PRMT8: variants seen among roughly 807,000 people sequenced by gnomAD.
PRMT8 encodes protein arginine methyltransferase 8.
Under a neutral mutation model 47.1 loss-of-function variants are expected in PRMT8, and 7 were observed. That is an observed-to-expected ratio of 0.15 (90% CI 0.08 to 0.28). PRMT8 has a LOEUF of 0.28. PRMT8 is among the 10% of genes least tolerant of loss of function. The pLI, the probability that PRMT8 is intolerant of heterozygous loss-of-function variation, is 1.00. For synonymous variants in PRMT8, 188 were observed against 186.5 expected (o/e 1.01, Z -0.07); for missense variants, 237 against 505.4 (o/e 0.47, Z 5.09).
chr12:3,497,960 C>G (rs1420909242), intron 1 of PRMT8, among the ~76,000 whole-genome samples: 1 of 152,182 alleles, frequency 6.6e-6, no homozygotes, highest in Non-Finnish European at 1.5e-5. Flanking sequence ...TGGGTCTGTG[C>G]TCTTTATACC....
intron 1 of PRMT8, among the ~76,000 whole-genome samples, chr12:3,463,879 A>C (rs1429415692): frequency 2.6e-5 from 4 of 152,230 alleles, no homozygotes. Context: ...GTTGATGCAC[A>C]TCCTCACCTA....
rs116892456 is a variant in PRMT8 at position 3,445,027 on chromosome 12, G to A, written c.48+63585G>A. ...TTTGTGCCAGAGAAAGGAATGACTG[G>A]TAGGAAGGGGAGATTTTGAGTGAAG... On this transcript the variant is annotated intron_variant, in intron 1 of 9. Coordinates refer to the PRMT8 transcript ENST00000452611. Among the ~76,000 whole-genome samples the A allele has an allele frequency of 7.9e-3, 1,200 of 152,354 alleles. 53 individuals carry two copies. Among genetic ancestry groups the A allele is most frequent in the Admixed American group, 0.07 (1,066 of 15,304 alleles).
chr12:3,541,511 T>C (rs1243144656), intron 2 of PRMT8, among the ~76,000 whole-genome samples: 10 of 152,246 alleles, frequency 6.6e-5, no homozygotes, highest in African/African-American at 2.2e-4. Context: ...ACAGGCACAG[T>C]TCTAAGCACA....
intron 1 of PRMT8, among the ~76,000 whole-genome samples, chr12:3,472,514 TG>T (rs1255496589): frequency 3.9e-5 from 6 of 152,208 alleles, no homozygotes; most frequent in Non-Finnish European, 8.8e-5. Flanking sequence ...TGTGTGACAT[TG>T]GGACAAGTTA....
At chr12:3,455,611 C>T (rs531097443) in intron 1 of PRMT8, among the ~76,000 whole-genome samples, 1 of 152,318 alleles carries the variant, frequency 6.6e-6, no homozygotes, top group Non-Finnish European at 1.5e-5. Context: ...CGCTAGCCTG[C>T]TCTCTGGGCT....
Position 3,550,286 on chromosome 12 carries a change from G to C in PRMT8, c.417+195G>C. 2 of 593,518 alleles carry C rather than the reference G, an allele frequency of 3.4e-6. No homozygotes were observed. The highest frequency in any genetic ancestry group is 5.8e-6 in the Non-Finnish European group (2 of 344,180). 36.8% of individuals were successfully genotyped at this position (593,518 alleles called of 1,614,324 possible). On this transcript the variant is annotated intron_variant, in intron 3 of 9. Coordinates refer to ENST00000382622, the MANE Select transcript of PRMT8 (RefSeq NM_019854.5). The surrounding 1 kb of genome is among the most constrained non-coding windows in gnomAD (Gnocchi z 5.1). ...GCCTGTCCCCTGTGCATGGCTCCTG[G>C]ATCCTTACAACCACTGACATTTGCG...
chr12:3,471,596 C>T (rs1389190170), intron 1 of PRMT8, among the ~76,000 whole-genome samples: 4 of 151,588 alleles, frequency 2.6e-5, no homozygotes, highest in Non-Finnish European at 5.9e-5. Flanking sequence ...CCCCTGGGCT[C>T]CCTCAACCAG....
At chr12:3,382,702 C>A (rs1286266497) in intron 1 of PRMT8, among the ~76,000 whole-genome samples, 1 of 152,040 alleles carries the variant, frequency 6.6e-6, no homozygotes, top group African/African-American at 2.4e-5. Context: ...TCTCACAGAA[C>A]AAAAGTCTTA....
chr12:3,534,427 A>C, intron 1 of PRMT8, among the ~76,000 whole-genome samples: 6 of 146,392 alleles, frequency 4.1e-5, no homozygotes, highest in Non-Finnish European at 6.1e-5. Flanking sequence ...CAGCACCTTC[A>C]CTCTCCTTCC....
chr12:3,560,015 AC>A (rs2137192068), intron 4 of PRMT8, among the ~76,000 whole-genome samples: 1 of 152,066 alleles, frequency 6.6e-6, no homozygotes, highest in African/African-American at 2.4e-5. Context: ...CCCTTCACAC[AC>A]CTGTTCCAGG....
intron 4 of PRMT8, among the ~76,000 whole-genome samples, chr12:3,562,635 C>T (rs867741160): frequency 6.6e-5 from 10 of 152,298 alleles, no homozygotes; most frequent in Middle Eastern, 6.8e-3. Context: ...CTCATCTCTT[C>T]TCAACTCTGC....
rs74056229 is a variant in PRMT8 at position 3,569,343 on chromosome 12, C to T, written c.625-134C>T. 1.4e-4 allele frequency: 112 copies of T among 783,786 alleles called. No homozygotes were observed. In the African/African-American group the frequency reaches 1.7e-3, roughly 12 times the overall value. The allele number at this position is 783,786 out of a possible 1,614,324, so 48.6% of individuals were successfully genotyped here. ...CTGCTGTCCTAGCCCTCACCCCAGA[C>T]AAGGTGACAGTCCACTGCATGAGAG... On this transcript the variant is annotated intron_variant, in intron 5 of 9. Transcript: ENST00000382622. The surrounding 1 kb of genome is among the most constrained non-coding windows in gnomAD (Gnocchi z 8.2).
In PRMT8 at chr12:3,540,616, C is replaced by CCCCCGA; in HGVS notation, c.90_91insGACCCC (p.Pro30_Ser31insAspPro). On this transcript the variant is annotated inframe_insertion, in exon 2 of 10. Transcript: ENST00000382622. ...TTCTCTTCCCCTCAGGTGAACAGCC[C>CCCCCGA]CCCCTCCCAGCCCCCCCAGCCCGTC... The CCCCCGA allele has an allele frequency of 1.8e-6, 2 of 1,116,940 alleles. No homozygotes were observed. The highest frequency in any genetic ancestry group is 2.7e-6 in the Non-Finnish European group (2 of 737,336). The allele number at this position is 1,116,940 out of a possible 1,614,324, so 69.2% of individuals were successfully genotyped here. A position where few individuals can be genotyped will look rare whatever the true frequency, so the allele number is the denominator to read the frequency against.
At chr12:3,536,629 G>T (rs1255354756) in intron 1 of PRMT8, among the ~76,000 whole-genome samples, 1 of 152,200 alleles carries the variant, frequency 6.6e-6, no homozygotes, top group African/African-American at 2.4e-5. Flanking sequence ...AGCCCTAGAG[G>T]TGAGGTGATC....
intron 1 of PRMT8, among the ~76,000 whole-genome samples, chr12:3,476,131 A>G (rs954099614): frequency 2.0e-5 from 3 of 152,178 alleles, no homozygotes; most frequent in Non-Finnish European, 4.4e-5. Flanking sequence ...CAGAGCAGAG[A>G]GCCAGACACT....
intron 1 of PRMT8, among the ~76,000 whole-genome samples, chr12:3,446,044 G>A (rs1301223792): frequency 6.6e-6 from 1 of 152,032 alleles, no homozygotes; most frequent in Non-Finnish European, 1.5e-5. Flanking sequence ...GACAGCCAAG[G>A]CCCTCCTGGG....
At chr12:3,431,837 A>T (rs548054882) in intron 1 of PRMT8, among the ~76,000 whole-genome samples, 2 of 152,254 alleles carry the variant, frequency 1.3e-5, no homozygotes, top group South Asian at 4.2e-4. Context: ...AGAAGGTGAG[A>T]TATGGTGTGG....
intron 7 of PRMT8, among the ~76,000 whole-genome samples, chr12:3,577,402 C>T (rs1000769955): frequency 5.3e-5 from 8 of 152,222 alleles, no homozygotes; most frequent in Non-Finnish European, 8.8e-5. Flanking sequence ...CTCTTGCCTC[C>T]ACACACACCT....
In PRMT8 at chr12:3,576,830, G is replaced by T; in HGVS notation, c.713-41G>T. ...TCAGGAGGGTTGGGTGAGCTTCTGG[G>T]GGTCCTGCGCCTGCCTTCACGTCTT... On this transcript the variant is annotated intron_variant, in intron 6 of 9. Transcript: ENST00000382622. This position sits in a 1 kb window ranked among gnomAD's most constrained non-coding sequence, Gnocchi z 4.0. 6.5e-7 allele frequency: 1 copy of T among 1,541,902 alleles called. No individual in the cohort carries two copies. Among genetic ancestry groups the T allele is most frequent in the African/African-American group, 1.4e-5 (1 of 73,568 alleles).
Sources: allele counts gnomAD v4.1 joint callset (sites outside exome capture counted in the v4.1 genomes callset), GRCh38; gene constraint gnomAD v4.1.1; non-coding constraint Gnocchi (gnomAD v3.1); transcripts MANE v1.5; gene names NCBI Gene and HGNC (gene_info 2026-07-23, HGNC 2026-07-21).